USH2A: variants seen among roughly 807,000 people sequenced by gnomAD.
USH2A encodes the protein usherin.
A neutral mutation model predicts 538.9 loss-of-function variants in USH2A; 443 were observed. That is an observed-to-expected ratio of 0.82 (90% CI 0.76 to 0.89). The LOEUF (loss-of-function observed/expected upper bound fraction) is 0.89. USH2A is among the 40% of genes least tolerant of loss of function. The pLI, the probability that USH2A is intolerant of heterozygous loss-of-function variation, is 0.00. For missense variants in USH2A, 6,633 were observed against 6,324.8 expected, an observed-to-expected ratio of 1.05 and a Z score of -1.65; for synonymous variants, 2,413 against 2,273.5, an observed-to-expected ratio of 1.06 and a Z score of -1.75.
At position 216,090,920 on chromosome 1, in the gene USH2A, A is replaced by G. The variant is rs1304258151; in HGVS notation, c.4759-1781T>C. Among the ~76,000 whole-genome samples, 3 of 152,138 alleles carry G rather than the reference A, an allele frequency of 2.0e-5. No individual in the cohort carries two copies. The East Asian group carries it at 5.8e-4, about 29-fold the overall frequency. The stretch of plus-strand genomic sequence containing the variant: ...TTAGTTAGCGTTAAAATTGTTACAA[A>G]CGATGCTGCATTCTAAAGATCAGGT... On this transcript the variant is annotated intron_variant, in intron 22 of 71. Coordinates refer to ENST00000307340, the MANE Select transcript of USH2A (RefSeq NM_206933.4).
In USH2A at chr1:216,207,543, A is replaced by G. The variant is rs1181783045; in HGVS notation, c.3158-112T>C. Reference sequence around the variant, plus strand: ...TTTCTGATTCAGGATTGCTTTATCAAGAAGACATGTGGTTTACCAAGACAT... The same window carrying G: ...TTTCTGATTCAGGATTGCTTTATCAGGAAGACATGTGGTTTACCAAGACAT... On this transcript the variant is annotated intron_variant, in intron 15 of 71. Coordinates refer to ENST00000307340, the MANE Select transcript of USH2A (RefSeq NM_206933.4). The G allele has an allele frequency of 6.1e-6, 8 of 1,316,022 alleles. No individual in the cohort carries two copies. In the African/African-American group the frequency reaches 1.2e-4, roughly 19 times the overall value. 81.5% of individuals were successfully genotyped at this position (1,316,022 alleles called of 1,614,324 possible).
chr1:215,810,209 A>C (rs1160419485), intron 49 of USH2A, among the ~76,000 whole-genome samples: 1 of 147,406 alleles, frequency 6.8e-6, no homozygotes, highest in Non-Finnish European at 1.5e-5. Flanking sequence ...ACATGTATTT[A>C]TACATACAGA....
At chr1:216,154,648 C>T (rs1228891985) in intron 21 of USH2A, among the ~76,000 whole-genome samples, 1 of 152,174 alleles carries the variant, frequency 6.6e-6, no homozygotes, top group Non-Finnish European at 1.5e-5. Flanking sequence ...GCATTTCCAT[C>T]ACCCCCTCCT....
At chr1:216,330,359 G>A (rs2037834785) in intron 4 of USH2A, among the ~76,000 whole-genome samples, 1 of 152,098 alleles carries the variant, frequency 6.6e-6, no homozygotes, top group African/African-American at 2.4e-5. Flanking sequence ...AGAGCAGGTT[G>A]GAGAGCATGG....
chr1:215,838,104 C>G lies in USH2A; in HGVS notation c.9259-1G>C. The G allele has an allele frequency of 6.2e-7, 1 of 1,612,084 alleles. No homozygotes were observed. Among genetic ancestry groups the G allele is most frequent in the Non-Finnish European group, 8.5e-7 (1 of 1,178,218 alleles). ...AGGCATATATTGTGCAGACTTCAAC[C>G]TGCAAACATTAGTTTAGAAAAAATA... On this transcript the variant is annotated splice_acceptor_variant, in intron 46 of 71. Coordinates refer to ENST00000307340, the MANE Select transcript of USH2A (RefSeq NM_206933.4). LOFTEE classifies it high-confidence loss of function.
At position 216,015,907 on chromosome 1, in the gene USH2A, C is replaced by T. The variant is rs190401792; in HGVS notation, c.6326-15345G>A. Among the ~76,000 whole-genome samples, 232 of 152,138 alleles carry T rather than the reference C, an allele frequency of 1.5e-3. 2 individuals carry two copies. Among genetic ancestry groups the T allele is most frequent in the East Asian group, 2.9e-3 (15 of 5,176 alleles). On this transcript the variant is annotated intron_variant, in intron 32 of 71. Coordinates refer to ENST00000307340, the MANE Select transcript of USH2A (RefSeq NM_206933.4). ...ACACATGCATACGTATGTTTATTGC[C>T]GCACTATTCACAATAGCAAAGACTT...
At chr1:216,047,796 A>T (rs1369711869) in intron 31 of USH2A, among the ~76,000 whole-genome samples, 1 of 152,228 alleles carries the variant, frequency 6.6e-6, no homozygotes, top group Non-Finnish European at 1.5e-5. Context: ...GATATGTACA[A>T]TTCCTCTTAT....
chr1:215,807,581 A>G (rs1232889380), intron 49 of USH2A, among the ~76,000 whole-genome samples: 2 of 152,078 alleles, frequency 1.3e-5, no homozygotes, highest in Non-Finnish European at 2.9e-5. Context: ...CATTTTGCAA[A>G]ATGGAAAGTC....
At chr1:216,144,753 T>C (rs1367676106) in intron 21 of USH2A, among the ~76,000 whole-genome samples, 1 of 152,218 alleles carries the variant, frequency 6.6e-6, no homozygotes, top group African/African-American at 2.4e-5. Flanking sequence ...CTTCACCTAC[T>C]TATCTGGCTA....
At chr1:215,861,501 G>T (rs558411124) in intron 44 of USH2A, among the ~76,000 whole-genome samples, 263 of 152,246 alleles carry the variant, frequency 1.7e-3, no homozygotes, top group Non-Finnish European at 2.7e-3. Flanking sequence ...GGTCACTTAA[G>T]AACCCAGGAA....
intron 44 of USH2A, among the ~76,000 whole-genome samples, chr1:215,855,423 C>T (rs1469328483): frequency 6.6e-6 from 1 of 152,070 alleles, no homozygotes; most frequent in Non-Finnish European, 1.5e-5. Context: ...AAGTAAAATA[C>T]TTAGGAATCT....
chr1:216,000,339 C>A, intron 33 of USH2A, 64 bp downstream of exon 33: 1 of 1,602,872 alleles, frequency 6.2e-7, no homozygotes, highest in Non-Finnish European at 8.5e-7. Context: ...AGCTCCTCCC[C>A]TGATTGAACT....
At chr1:216,360,241 C>T (rs2038466197) in intron 4 of USH2A, among the ~76,000 whole-genome samples, 1 of 152,006 alleles carries the variant, frequency 6.6e-6, no homozygotes, top group Non-Finnish European at 1.5e-5. Context: ...AAGATATGAA[C>T]CACCAAGCCA....
intron 44 of USH2A, among the ~76,000 whole-genome samples, chr1:215,854,750 A>C (rs1664113463): frequency 6.6e-6 from 1 of 152,330 alleles, no homozygotes; most frequent in East Asian, 1.9e-4. Flanking sequence ...TACATAGTGC[A>C]TGAATAACCT....
chr1:216,355,385 AACAT>A (rs1301932002), intron 4 of USH2A, among the ~76,000 whole-genome samples: 1 of 151,300 alleles, frequency 6.6e-6, no homozygotes, highest in African/African-American at 2.4e-5. Flanking sequence ...GAAGGAAAGA[AACAT>A]ATAGTATACA....
At position 215,779,900 on chromosome 1, in the gene USH2A, C is replaced by A; in HGVS notation, c.10882G>T (p.Val3628Phe). 6.2e-7 allele frequency: 1 copy of A among 1,614,136 alleles called. No individual in the cohort carries two copies. The highest frequency in any genetic ancestry group is 8.5e-7 in the Non-Finnish European group (1 of 1,180,034). The change falls in exon 55 of 72, where the codon GTT becomes TTT. Residue 3628 changes from valine to phenylalanine, a missense_variant. By Grantham distance (50) the Val-to-Phe change is conservative. Coordinates refer to ENST00000307340, the MANE Select transcript of USH2A (RefSeq NM_206933.4). ...GVIKEYQIRQ[V>F]GKGLIHTDTT... ...TCAGTGTGGATGAGACCTTTCCCAA[C>A]CTGCCTGATCTGGTACTCTTTAATG...
Position 215,837,906 on chromosome 1 carries a change from T to C in USH2A, c.9371+85A>G, listed in dbSNP as rs1027688574. 18 of 1,111,628 alleles carry C rather than the reference T, an allele frequency of 1.6e-5. No individual in the cohort carries two copies. The African/African-American group carries it at 2.8e-4, about 17-fold the overall frequency. 68.9% of individuals were successfully genotyped at this position (1,111,628 alleles called of 1,614,324 possible). ...TATAATAACCCATTAAATGAGATTGTCATGGCTGAGAGGATACCTTTGATT... is the reference window on the plus strand; with the variant it reads ...TATAATAACCCATTAAATGAGATTGCCATGGCTGAGAGGATACCTTTGATT... On this transcript the variant is annotated intron_variant, in intron 47 of 71. Coordinates refer to ENST00000307340, the MANE Select transcript of USH2A (RefSeq NM_206933.4).
chr1:216,211,803 C>A (rs2035247064), intron 15 of USH2A, among the ~76,000 whole-genome samples: 1 of 151,896 alleles, frequency 6.6e-6, no homozygotes, highest in African/African-American at 2.4e-5. Context: ...TTGATATGGT[C>A]ACTTTGATCG....
chr1:215,830,869 A>G (rs556017308), intron 47 of USH2A, among the ~76,000 whole-genome samples: 1 of 152,338 alleles, frequency 6.6e-6, no homozygotes, highest in East Asian at 1.9e-4. Flanking sequence ...GACTGTAGTC[A>G]CTGGCAAAGG....
Sources: gnomAD v4.1 joint callset for allele counts (sites outside exome capture counted in the v4.1 genomes callset) on GRCh38, gnomAD v4.1.1 for gene constraint, MANE v1.5 for transcripts, NCBI Gene and HGNC (gene_info 2026-07-23, HGNC 2026-07-21) for gene names.